The following ANKRD55 variants were observed in gnomAD, a reference collection of about 807,000 sequenced individuals.
ANKRD55 encodes the protein ankyrin repeat domain-containing protein 55.
ANKRD55 carries 41 observed loss-of-function variants against 60.6 expected under a neutral mutation model. That is an observed-to-expected ratio of 0.68 (90% confidence interval 0.53 to 0.88). The LOEUF (loss-of-function observed/expected upper bound fraction) is 0.88. Ranked by LOEUF, ANKRD55 falls within the 40% of genes least tolerant of loss-of-function variation. The probability of loss-of-function intolerance (pLI) is 0.00; values close to 1 mark genes in which losing one functional copy is unlikely to be tolerated. For synonymous variants in ANKRD55, 264 were observed against 290.3 expected (o/e 0.91, Z 0.92); for missense variants, 732 against 767.6 (o/e 0.95, Z 0.55).
At chr5:56,162,049 A>C (rs1758345222) in intron 5 of ANKRD55, 6 of 984,168 alleles carry the variant, frequency 6.1e-6, no homozygotes, top group Non-Finnish European at 7.2e-6. Flanking sequence ...GCCATTGTTT[A>C]CTCTCTAGGG....
At chr5:56,125,651 A>T (rs1482689771) in intron 8 of ANKRD55, 1 of 152,124 alleles carries the variant, frequency 6.6e-6, no homozygotes, top group East Asian at 1.9e-4. Context: ...AACTTCTGAG[A>T]CCTATGTAGA....
In ANKRD55 at chr5:56,127,200, A is replaced by T. The variant is rs185495480; in HGVS notation, c.613-94T>A. Reference sequence around the variant, plus strand: ...GATAAAAATACAAAGGAAAAAAAGGAAAGAAAGAAAGAAAGAAAAAAGATG... The same window carrying T: ...GATAAAAATACAAAGGAAAAAAAGGTAAGAAAGAAAGAAAGAAAAAAGATG... On this transcript the variant is annotated intron_variant, in intron 7 of 11. Transcript: ENST00000341048. 704 of 1,321,198 alleles carry T rather than the reference A, an allele frequency of 5.3e-4. 1 individual carries two copies. The highest frequency in any genetic ancestry group is 1.4e-3 in the Admixed American group (41 of 30,018). 81.8% of individuals were successfully genotyped at this position (1,321,198 alleles called of 1,614,324 possible). A position where few individuals can be genotyped will look rare whatever the true frequency, so the allele number is the denominator to read the frequency against.
intron 10 of ANKRD55, among the ~76,000 whole-genome samples, chr5:56,110,092 C>T (rs1481889501): frequency 6.6e-6 from 1 of 150,450 alleles, no homozygotes; most frequent in Non-Finnish European, 1.5e-5. Context: ...TATCATCTAT[C>T]TATCTGTCTA....
intron 6 of ANKRD55, among the ~76,000 whole-genome samples, chr5:56,147,131 T>A (rs1337747341): frequency 6.6e-6 from 1 of 152,190 alleles, no homozygotes; most frequent in Admixed American, 6.5e-5. Context: ...GCTTTGTATA[T>A]TCTATCTCAT....
chr5:56,103,411 C>T lies in ANKRD55; in HGVS notation c.1631-825G>A, dbSNP rs372660567. Among the ~76,000 whole-genome samples the T allele has an allele frequency of 9.2e-5, 14 of 152,202 alleles. No homozygotes were observed. The South Asian group carries it at 1.3e-3, about 14-fold the overall frequency. On this transcript the variant is annotated intron_variant, in intron 10 of 11. Coordinates refer to ENST00000341048, the MANE Select transcript of ANKRD55 (RefSeq NM_024669.3). ...TCAATGTACTACTGACTTTAAGATACGGATGTTCGATACCTGAAAATAGAA... is the reference window on the plus strand; with the variant it reads ...TCAATGTACTACTGACTTTAAGATATGGATGTTCGATACCTGAAAATAGAA...
At chr5:56,166,674 T>A (rs141852339) in intron 5 of ANKRD55, among the ~76,000 whole-genome samples, 182 of 152,270 alleles carry the variant, frequency 1.2e-3, no homozygotes, top group African/African-American at 4.3e-3. Flanking sequence ...TGATCTATAG[T>A]CCTACATGTA....
chr5:56,128,674 C>T (rs1404715359), intron 7 of ANKRD55, among the ~76,000 whole-genome samples: 1 of 152,170 alleles, frequency 6.6e-6, no homozygotes, highest in Non-Finnish European at 1.5e-5. Context: ...GGGCCTGGCA[C>T]CTTTCTAAGC....
chr5:56,184,152 T>C (rs4700419), intron 2 of ANKRD55, among the ~76,000 whole-genome samples: 46,265 of 152,122 alleles, frequency 0.3, 12,825 homozygotes, highest in African/African-American at 0.73. Flanking sequence ...CCCTCACCCT[T>C]TTGCTTGCCC....
intron 5 of ANKRD55, among the ~76,000 whole-genome samples, chr5:56,163,019 C>A (rs962995904): frequency 9.2e-5 from 14 of 152,098 alleles, no homozygotes; most frequent in Admixed American, 2.0e-4. Context: ...CAGTTGCCAC[C>A]CTTTAATTCC....
chr5:56,125,911 G>C (rs1455989871), intron 8 of ANKRD55: 1 of 152,056 alleles, frequency 6.6e-6, no homozygotes, highest in African/African-American at 2.4e-5. Flanking sequence ...AGGCGGGCGG[G>C]TCACCTGAGG....
intron 2 of ANKRD55, among the ~76,000 whole-genome samples, chr5:56,222,612 A>G (rs1397209016): frequency 7.3e-6 from 1 of 137,634 alleles, no homozygotes; most frequent in Non-Finnish European, 1.5e-5. Context: ...TTGAAAAAAG[A>G]TTGGACGAAT....
chr5:56,156,880 G>A (rs1474765198), intron 6 of ANKRD55: 2 of 152,288 alleles, frequency 1.3e-5, no homozygotes, highest in African/African-American at 4.8e-5. Flanking sequence ...ATTAATGCTA[G>A]TCAGAGGGAG....
At chr5:56,141,808 A>G (rs1757777507) in intron 7 of ANKRD55, among the ~76,000 whole-genome samples, 1 of 152,208 alleles carries the variant, frequency 6.6e-6, no homozygotes, top group African/African-American at 2.4e-5. Flanking sequence ...CAGGAACCCT[A>G]ATAAAAATGA....
At chr5:56,209,867 A>AG (rs1201851922) in intron 2 of ANKRD55, among the ~76,000 whole-genome samples, 2 of 152,220 alleles carry the variant, frequency 1.3e-5, no homozygotes, top group Non-Finnish European at 1.5e-5. Context: ...ACTGCCCTCT[A>AG]GAAAGGTTGG....
At chr5:56,193,457 T>C in intron 2 of ANKRD55, 1 of 505,562 alleles carries the variant, frequency 2.0e-6, no homozygotes, top group Non-Finnish European at 3.6e-6. Context: ...TGTTCCGATC[T>C]TGCAGTTTCT....
rs185737110 is a variant in ANKRD55 at position 56,137,030 on chromosome 5, A to G, written c.612+6771T>C. 285 of 738,092 alleles carry G rather than the reference A, an allele frequency of 3.9e-4. 2 individuals are homozygous for G. In the African/African-American group the frequency reaches 4.3e-3, roughly 11 times the overall value. The allele number at this position is 738,092 out of a possible 1,614,324, so 45.7% of individuals were successfully genotyped here. ...GAGCCCCACAAAATCATGCAAATCA[A>G]GAGGTTCAAGTCTTCGTGTTCACTT... On this transcript the variant is annotated intron_variant, in intron 7 of 11. Coordinates refer to ENST00000341048, the MANE Select transcript of ANKRD55 (RefSeq NM_024669.3).
rs181663087 is a variant in ANKRD55 at position 56,195,482 on chromosome 5, C to T, written c.59-11848G>A. ...TTTTGGAGACAGAGTCTCACTCTGT[C>T]CCCCAGGCTGGAGTGCAGTGTCGCG... On this transcript the variant is annotated intron_variant, in intron 2 of 11. Transcript: ENST00000341048. Among the ~76,000 whole-genome samples, 460 of 152,288 alleles carry T rather than the reference C, an allele frequency of 3.0e-3. 4 individuals carry two copies. Among genetic ancestry groups the T allele is most frequent in the African/African-American group, 0.011 (439 of 41,560 alleles).
At chr5:56,146,956 G>C (rs1420944965) in intron 6 of ANKRD55, 1 of 152,190 alleles carries the variant, frequency 6.6e-6, no homozygotes. Flanking sequence ...CAATGGTAAT[G>C]CAGTGTTAAT....
intron 8 of ANKRD55, 95 bp from the exon 9 acceptor site, chr5:56,116,877 G>T: frequency 1.5e-6 from 2 of 1,321,734 alleles, no homozygotes; most frequent in Non-Finnish European, 2.0e-6. Context: ...GTCAGGTTGA[G>T]GTAGGGAAAA....
Sources: allele counts gnomAD v4.1 joint callset (sites outside exome capture counted in the v4.1 genomes callset), GRCh38; gene constraint gnomAD v4.1.1; transcripts MANE v1.5; gene names NCBI Gene and HGNC (gene_info 2026-07-23, HGNC 2026-07-21).